Variants in DCLK2 observed in about 807,000 individuals in gnomAD.
DCLK2 encodes doublecortin like kinase 2.
DCLK2 carries 31 observed loss-of-function variants against 78.4 expected under a neutral mutation model. That is an observed-to-expected ratio of 0.40 (90% confidence interval 0.30 to 0.53). The LOEUF (loss-of-function observed/expected upper bound fraction) is 0.53, where lower values mean the gene tolerates loss of function less well. Ranked by LOEUF, DCLK2 falls within the 20% of genes least tolerant of loss-of-function variation. DCLK2 has a pLI of 0.61. For synonymous variants in DCLK2, 407 were observed against 374.9 expected (o/e 1.09, Z -0.99); for missense variants, 872 against 973.7 (o/e 0.90, Z 1.39).
At chr4:150,211,577 T>C (rs578123395) in intron 5 of DCLK2, among the ~76,000 whole-genome samples, 1 of 152,266 alleles carries the variant, frequency 6.6e-6, no homozygotes, top group South Asian at 2.1e-4. Context: ...TGGTCTGGCT[T>C]CCTCATCCTG....
At chr4:150,184,938 C>T (rs894274971) in intron 2 of DCLK2, among the ~76,000 whole-genome samples, 1 of 152,128 alleles carries the variant, frequency 6.6e-6, no homozygotes, top group Non-Finnish European at 1.5e-5. Flanking sequence ...TAACACACCC[C>T]ACTCGGGTTC....
chr4:150,135,775 C>T (rs550581777), intron 2 of DCLK2, among the ~76,000 whole-genome samples: 2 of 152,208 alleles, frequency 1.3e-5, no homozygotes, highest in South Asian at 2.1e-4. Context: ...GGTAAGTAAA[C>T]TTAAATTTAA....
intron 2 of DCLK2, among the ~76,000 whole-genome samples, chr4:150,152,530 C>T (rs1734975665): frequency 6.6e-6 from 1 of 152,212 alleles, no homozygotes; most frequent in South Asian, 2.1e-4. Flanking sequence ...GATCTGCCCG[C>T]CTCAGCCTCC....
chr4:150,112,729 T>C (rs1349609045), intron 2 of DCLK2, among the ~76,000 whole-genome samples: 1 of 152,104 alleles, frequency 6.6e-6, no homozygotes, highest in Non-Finnish European at 1.5e-5. Flanking sequence ...GTGATGTATC[T>C]CATTTATTGA....
chr4:150,112,771 G>T (rs1383782317), intron 2 of DCLK2, among the ~76,000 whole-genome samples: 1 of 151,612 alleles, frequency 6.6e-6, no homozygotes, highest in Non-Finnish European at 1.5e-5. Flanking sequence ...CTGCATGCCT[G>T]GGGATGAAAC....
intron 2 of DCLK2, among the ~76,000 whole-genome samples, chr4:150,133,309 A>AT (rs35509904): frequency 0.23 from 35,516 of 152,098 alleles, 4,521 homozygotes; most frequent in African/African-American, 0.34. Flanking sequence ...CGCAACTCAG[A>AT]TTTTTTACCT....
intron 5 of DCLK2, among the ~76,000 whole-genome samples, chr4:150,206,165 G>A (rs1245267356): frequency 3.9e-5 from 6 of 152,222 alleles, no homozygotes; most frequent in African/African-American, 1.4e-4. Flanking sequence ...TTAATATTCT[G>A]TGCACACACC....
rs532573673 is a variant in DCLK2 at position 150,235,698 on chromosome 4, A to G, written c.1566+2870A>G. On this transcript the variant is annotated intron_variant, in intron 10 of 15. Transcript: ENST00000296550. The stretch of plus-strand genomic sequence containing the variant: ...AGATCACTTGGCAGTTTCTAGATTT[A>G]GTCAGCAGGTTGGTATTGGCCTGGG... Among the ~76,000 whole-genome samples, 5 of 152,346 alleles carry G rather than the reference A, an allele frequency of 3.3e-5. No individual in the cohort carries two copies. In the East Asian group the frequency reaches 7.7e-4, roughly 24 times the overall value.
In DCLK2 at chr4:150,124,940, C is replaced by T. The variant is rs118023348; in HGVS notation, c.756+22128C>T. Reference sequence around the variant, plus strand: ...GGAGCTGGTTGCATGCATTGGAGTCCAGAAAATACAAATTAAAATTTGATT... The same window carrying T: ...GGAGCTGGTTGCATGCATTGGAGTCTAGAAAATACAAATTAAAATTTGATT... On this transcript the variant is annotated intron_variant, in intron 2 of 15. Coordinates refer to ENST00000296550, the MANE Select transcript of DCLK2 (RefSeq NM_001040260.4). 4.0e-4 allele frequency among the ~76,000 whole-genome samples: 61 copies of T among 152,216 alleles called. No homozygotes were observed. The East Asian group carries it at 9.4e-3, about 24-fold the overall frequency.
intron 5 of DCLK2, among the ~76,000 whole-genome samples, chr4:150,217,348 A>T (rs1740797169): frequency 6.6e-6 from 1 of 152,234 alleles, no homozygotes; most frequent in South Asian, 2.1e-4. Flanking sequence ...TGATCTGTCC[A>T]GAGATCTTAC....
intron 5 of DCLK2, among the ~76,000 whole-genome samples, chr4:150,215,555 T>C (rs2126505864): frequency 6.6e-6 from 1 of 152,320 alleles, no homozygotes. Flanking sequence ...GATGAAGATA[T>C]GCATAGGGCG....
At chr4:150,156,513 A>G (rs1560819008) in intron 2 of DCLK2, among the ~76,000 whole-genome samples, 1 of 151,124 alleles carries the variant, frequency 6.6e-6, no homozygotes, top group Non-Finnish European at 1.5e-5. Flanking sequence ...TAAATAAATA[A>G]ATAAATAAAT....
At chr4:150,253,124 ATCCTCCT>A in intron 15 of DCLK2, 3 of 453,882 alleles carry the variant, frequency 6.6e-6, no homozygotes, top group Non-Finnish European at 1.4e-5. Context: ...CATCCTCCTC[ATCCTCCT>A]CACGTCACTG....
chr4:150,115,430 T>C (rs1172055491), intron 2 of DCLK2, among the ~76,000 whole-genome samples: 1 of 152,206 alleles, frequency 6.6e-6, no homozygotes, highest in Non-Finnish European at 1.5e-5. Flanking sequence ...GAAGGTGTTA[T>C]AGAACCCTGT....
chr4:150,240,816 T>C (rs1742875323), intron 12 of DCLK2, among the ~76,000 whole-genome samples: 1 of 152,060 alleles, frequency 6.6e-6, no homozygotes, highest in Non-Finnish European at 1.5e-5. Context: ...ACCTTTCGCT[T>C]TTTAATTTAC....
At chr4:150,124,853 T>TAA (rs1732809825) in intron 2 of DCLK2, among the ~76,000 whole-genome samples, 1 of 152,234 alleles carries the variant, frequency 6.6e-6, no homozygotes, top group African/African-American at 2.4e-5. Context: ...TACCAATCAA[T>TAA]GTCTTAATTA....
intron 2 of DCLK2, among the ~76,000 whole-genome samples, chr4:150,145,985 G>T (rs1487252069): frequency 6.6e-6 from 1 of 152,164 alleles, no homozygotes; most frequent in Admixed American, 6.5e-5. Flanking sequence ...CAAGCAAATT[G>T]ATTTATTCAA....
intron 2 of DCLK2, among the ~76,000 whole-genome samples, chr4:150,162,312 A>G (rs1322973435): frequency 2.0e-5 from 3 of 152,162 alleles, no homozygotes; most frequent in African/African-American, 4.8e-5. Context: ...GATTACAGGC[A>G]TGAGCCACTG....
At chr4:150,228,839 A>T (rs1197821078) in intron 8 of DCLK2, among the ~76,000 whole-genome samples, 1 of 151,276 alleles carries the variant, frequency 6.6e-6, no homozygotes, top group African/African-American at 2.4e-5. Flanking sequence ...ATCCTGGCTA[A>T]CAAGGTGAAA....
Sources: allele counts gnomAD v4.1 joint callset (sites outside exome capture counted in the v4.1 genomes callset), GRCh38; gene constraint gnomAD v4.1.1; transcripts MANE v1.5; gene names NCBI Gene and HGNC (gene_info 2026-07-23, HGNC 2026-07-21).